CNTN5: variants seen among roughly 807,000 people sequenced by gnomAD.
CNTN5 encodes contactin-5.
CNTN5 carries 77 observed loss-of-function variants against 129.1 expected under a neutral mutation model. That is an observed-to-expected ratio of 0.60 (90% CI 0.50 to 0.72). The LOEUF is 0.72. Ranked by LOEUF, CNTN5 falls within the 30% of genes least tolerant of loss-of-function variation. CNTN5 has a pLI of 0.00. For missense variants in CNTN5, 1,478 were observed against 1,328.8 expected, an observed-to-expected ratio of 1.11 and a Z score of -1.75; for synonymous variants, 509 against 465.6, an observed-to-expected ratio of 1.09 and a Z score of -1.20.
intron 2 of CNTN5, among the ~76,000 whole-genome samples, chr11:99,415,959 CTAAGT>C (rs750031927): frequency 3.9e-5 from 6 of 152,018 alleles, no homozygotes; most frequent in Non-Finnish European, 8.8e-5. Flanking sequence ...TTTCAAAAAC[CTAAGT>C]TAAGTTACAC....
intron 13 of CNTN5, among the ~76,000 whole-genome samples, chr11:100,184,683 A>G (rs1389569931): frequency 6.6e-6 from 1 of 152,180 alleles, no homozygotes; most frequent in Admixed American, 6.5e-5. Flanking sequence ...CAGACTTCTA[A>G]CCAAAAGAAT....
In CNTN5 at chr11:99,784,794, T is replaced by TG. The variant is rs201954388; in HGVS notation, c.56-34749dup. ...ACTGGTGTGAGATGGTATCTCATTG[T>TG]GTTTTTTTTTTTTTTTTTTTTTTGA... On this transcript the variant is annotated intron_variant, in intron 3 of 24. Coordinates refer to ENST00000524871, the MANE Select transcript of CNTN5 (RefSeq NM_014361.4). Among the ~76,000 whole-genome samples, 379 of 94,614 alleles carry TG rather than the reference T, an allele frequency of 4.0e-3. 26 individuals carry two copies. The highest frequency in any genetic ancestry group is 0.012 in the East Asian group (41 of 3,424). 62.1% of individuals were successfully genotyped at this position (94,614 alleles called of 152,430 possible). A position where few individuals can be genotyped will look rare whatever the true frequency, so the allele number is the denominator to read the frequency against.
intron 13 of CNTN5, among the ~76,000 whole-genome samples, chr11:100,168,069 G>A (rs926698880): frequency 6.6e-6 from 1 of 151,840 alleles, no homozygotes; most frequent in Admixed American, 6.6e-5. Flanking sequence ...ATTCTATAAA[G>A]TTTGACAGAG....
intron 6 of CNTN5, among the ~76,000 whole-genome samples, chr11:99,857,682 C>A (rs988918879): frequency 2.6e-5 from 4 of 151,902 alleles, no homozygotes; most frequent in African/African-American, 7.3e-5. Context: ...ATATCATATT[C>A]GATGTCTGAA....
chr11:99,215,230 G>T (rs1270753414), intron 1 of CNTN5, among the ~76,000 whole-genome samples: 1 of 151,980 alleles, frequency 6.6e-6, no homozygotes, highest in African/African-American at 2.4e-5. Context: ...TGGTTTTTAG[G>T]TCTACTAAAA....
chr11:99,582,558 T>G (rs1949644915), intron 3 of CNTN5, among the ~76,000 whole-genome samples: 1 of 152,168 alleles, frequency 6.6e-6, no homozygotes, highest in East Asian at 1.9e-4. Flanking sequence ...CTTCTCTTCA[T>G]GCTTCATTTC....
At chr11:100,240,323 G>A (rs1188188647) in intron 16 of CNTN5, among the ~76,000 whole-genome samples, 5 of 151,878 alleles carry the variant, frequency 3.3e-5, no homozygotes, top group East Asian at 3.9e-4. Flanking sequence ...TGGTGGCATC[G>A]GGATAGTACC....
At chr11:99,875,145 C>T (rs1948599868) in intron 6 of CNTN5, among the ~76,000 whole-genome samples, 2 of 152,142 alleles carry the variant, frequency 1.3e-5, no homozygotes, top group Admixed American at 6.6e-5. Context: ...ACATCTGTAT[C>T]CCTTTACCTC....
intron 1 of CNTN5, among the ~76,000 whole-genome samples, chr11:99,060,691 T>C (rs1431872590): frequency 6.6e-6 from 1 of 152,044 alleles, no homozygotes; most frequent in Non-Finnish European, 1.5e-5. Flanking sequence ...AGACAATGCA[T>C]CATTTTGCAT....
intron 1 of CNTN5, among the ~76,000 whole-genome samples, chr11:99,043,684 TTAAG>T (rs1864096505): frequency 6.6e-6 from 1 of 152,192 alleles, no homozygotes; most frequent in African/African-American, 2.4e-5. Context: ...TTTGCTAATA[TTAAG>T]TATTATTCAC....
At chr11:99,349,291 C>G (rs935266634) in intron 2 of CNTN5, among the ~76,000 whole-genome samples, 4 of 152,108 alleles carry the variant, frequency 2.6e-5, no homozygotes, top group Non-Finnish European at 5.9e-5. Context: ...TTCAATACTC[C>G]TCCATAGTCA....
chr11:100,345,180 T>C (rs996821932), intron 23 of CNTN5, among the ~76,000 whole-genome samples: 1 of 152,152 alleles, frequency 6.6e-6, no homozygotes, highest in Non-Finnish European at 1.5e-5. Flanking sequence ...ATGCCCAAGA[T>C]CAAGGCTCCA....
At chr11:99,708,073 G>A (rs74651462) in intron 3 of CNTN5, among the ~76,000 whole-genome samples, 6,995 of 151,636 alleles carry the variant, frequency 0.046, 220 homozygotes, top group South Asian at 0.092. Context: ...ATGGACATGA[G>A]CGACCTTCAG....
At chr11:99,138,190 C>T (rs1235939086) in intron 1 of CNTN5, among the ~76,000 whole-genome samples, 1 of 152,130 alleles carries the variant, frequency 6.6e-6, no homozygotes, top group African/African-American at 2.4e-5. Context: ...TACTTATACA[C>T]ATACCACAAT....
At chr11:100,018,968 T>C (rs1940977179) in intron 9 of CNTN5, among the ~76,000 whole-genome samples, 1 of 151,952 alleles carries the variant, frequency 6.6e-6, no homozygotes, top group South Asian at 2.1e-4. Flanking sequence ...AGTTAATAGC[T>C]TGCCAATATT....
At chr11:99,440,934 G>A (rs1480205799) in intron 2 of CNTN5, among the ~76,000 whole-genome samples, 1 of 152,040 alleles carries the variant, frequency 6.6e-6, no homozygotes, top group African/African-American at 2.4e-5. Context: ...CTACACTCTA[G>A]ATGATATCAT....
intron 2 of CNTN5, among the ~76,000 whole-genome samples, chr11:99,436,970 T>C (rs1565581013): frequency 2.0e-5 from 3 of 152,164 alleles, no homozygotes; most frequent in South Asian, 2.1e-4. Context: ...GCTGAACACT[T>C]CCAAATTTGC....
chr11:100,271,179 C>A lies in CNTN5; in HGVS notation c.2252C>A (p.Thr751Asn), dbSNP rs748118641. The A allele has an allele frequency of 6.2e-7, 1 of 1,613,126 alleles. No homozygotes were observed. The highest frequency in any genetic ancestry group is 1.7e-5 in the Admixed American group (1 of 59,784). The change falls in exon 18 of 25, where the codon ACC becomes AAC. Residue 751 changes from threonine to asparagine, a missense_variant. Coordinates refer to ENST00000524871, the MANE Select transcript of CNTN5 (RefSeq NM_014361.4). The stretch of plus-strand genomic sequence containing the variant: ...GAATATGAATTTCGAGTGGTAGCCA[C>A]CAACCCTATTGGGACAGGAGATCCA... The part of the protein sequence containing the change: ...WVEYEFRVVA[T>N]NPIGTGDPST...
chr11:99,783,662 C>G (rs1204265632), intron 3 of CNTN5, among the ~76,000 whole-genome samples: 1 of 140,164 alleles, frequency 7.1e-6, no homozygotes, highest in East Asian at 2.2e-4. Context: ...GAGTTCATGT[C>G]CTTTGTAGGG....
Sources: gnomAD v4.1 joint callset for allele counts (sites outside exome capture counted in the v4.1 genomes callset) on GRCh38, gnomAD v4.1.1 for gene constraint, MANE v1.5 for transcripts, NCBI Gene and HGNC (gene_info 2026-07-23, HGNC 2026-07-21) for gene names.